Variants in PINX1 observed in about 807,000 individuals in gnomAD.
The protein encoded by PINX1 is PIN2/TERF1-interacting telomerase inhibitor 1.
A neutral mutation model predicts 25.4 loss-of-function variants in PINX1; 34 were observed. That is an observed-to-expected ratio of 1.34 (90% CI 1.02 to 1.78). PINX1 has a LOEUF of 1.78. PINX1 is among the 40% of genes most tolerant of loss of function. PINX1 has a pLI of 0.00. For synonymous variants in PINX1, 197 were observed against 147.7 expected (o/e 1.33, Z -2.42); for missense variants, 592 against 404.9 (o/e 1.46, Z -3.97).
chr8:10,765,687 CTCT>C lies in PINX1; in HGVS notation c.698_700del (p.Lys233del). The C allele has an allele frequency of 1.2e-6, 2 of 1,614,058 alleles. No homozygotes were observed. Among genetic ancestry groups the C allele is most frequent in the Non-Finnish European group, 1.7e-6 (2 of 1,179,904 alleles). ...CCTCTCGGGCTTTCCCTCCGTGTGC[CTCT>C]TGGCCTTAGGCTGGAGGTAACTTTC... On this transcript the variant is annotated inframe_deletion, in exon 7 of 7. Coordinates refer to ENST00000314787, the MANE Select transcript of PINX1 (RefSeq NM_017884.6).
chr8:10,828,111 G>C (rs549881295), intron 4 of PINX1, among the ~76,000 whole-genome samples: 3 of 151,998 alleles, frequency 2.0e-5, no homozygotes, highest in Non-Finnish European at 2.9e-5. Flanking sequence ...CAGCAGGCTC[G>C]AAAGAACGTG....
intron 6 of PINX1, among the ~76,000 whole-genome samples, chr8:10,787,139 A>G (rs1801775304): frequency 6.6e-6 from 1 of 151,920 alleles, no homozygotes; most frequent in South Asian, 2.1e-4. Context: ...AAATAGCAGA[A>G]ATGTCTATAT....
intron 6 of PINX1, among the ~76,000 whole-genome samples, chr8:10,795,488 C>T (rs1563215232): frequency 6.6e-6 from 1 of 152,206 alleles, no homozygotes; most frequent in Non-Finnish European, 1.5e-5. Context: ...GCAATCTCCG[C>T]CTCCCGGATT....
At chr8:10,776,568 C>G (rs1801404485) in intron 6 of PINX1, among the ~76,000 whole-genome samples, 1 of 152,146 alleles carries the variant, frequency 6.6e-6, no homozygotes, top group African/African-American at 2.4e-5. Flanking sequence ...GTACAGCCAA[C>G]CAATTTCTTC....
intron 4 of PINX1, among the ~76,000 whole-genome samples, chr8:10,829,072 G>A (rs1201774552): frequency 6.6e-6 from 1 of 152,164 alleles, no homozygotes; most frequent in Non-Finnish European, 1.5e-5. Flanking sequence ...TGGATCACAA[G>A]GTCAGGAGTT....
At chr8:10,834,381 C>G (rs1278874369) in intron 2 of PINX1, 1 of 354,450 alleles carries the variant, frequency 2.8e-6, no homozygotes, top group East Asian at 5.8e-5. Context: ...GAGGTATCAG[C>G]AGAGGCTCTA....
intron 6 of PINX1, among the ~76,000 whole-genome samples, chr8:10,813,646 T>A (rs1586184650): frequency 6.6e-6 from 1 of 152,196 alleles, no homozygotes; most frequent in African/African-American, 2.4e-5. Flanking sequence ...GGAAAATGAT[T>A]ATTGATTTGG....
intron 6 of PINX1, among the ~76,000 whole-genome samples, chr8:10,766,671 T>C (rs1312043326): frequency 6.6e-6 from 1 of 152,246 alleles, no homozygotes; most frequent in Non-Finnish European, 1.5e-5. Context: ...GTTTGGGCTG[T>C]TTTTAAATGT....
chr8:10,767,089 CAAG>C (rs1801075555), intron 6 of PINX1, among the ~76,000 whole-genome samples: 1 of 142,948 alleles, frequency 7.0e-6, no homozygotes, highest in Non-Finnish European at 1.6e-5. Context: ...ATTTATCTCA[CAAG>C]AAGAGGCTGG....
intron 6 of PINX1, among the ~76,000 whole-genome samples, chr8:10,766,264 A>G (rs903955596): frequency 1.3e-5 from 2 of 152,234 alleles, no homozygotes; most frequent in Admixed American, 1.3e-4. Flanking sequence ...TGTTGTGGTG[A>G]CTAAGCTCCC....
At chr8:10,825,657 C>T (rs1385490308) in intron 5 of PINX1, among the ~76,000 whole-genome samples, 5 of 152,146 alleles carry the variant, frequency 3.3e-5, no homozygotes, top group East Asian at 3.8e-4. Context: ...GGAATGCCTA[C>T]GCTGTGAAAT....
At position 10,826,235 on chromosome 8, in the gene PINX1, T is replaced by G; in HGVS notation, c.311A>C (p.Asp104Ala). The G allele has an allele frequency of 1.3e-6, 2 of 1,560,566 alleles. No individual in the cohort carries two copies. Among genetic ancestry groups the G allele is most frequent in the South Asian group, 1.2e-5 (1 of 86,708 alleles). Residue 104 changes from aspartate to alanine, a missense_variant, in exon 5 of 7, where the codon GAC becomes GCC. Asp to Ala is a moderately radical substitution (Grantham distance 126). Coordinates refer to ENST00000314787, the MANE Select transcript of PINX1 (RefSeq NM_017884.6). ...GCTAAAAGATTTCTTTTCCTTCTTG[T>G]CCGAGGAATCTTTAAAAAAGATGAA... ...CHGQETTDSS[D>A]KKEKKSFSLE...
chr8:10,834,544 G>A, intron 2 of PINX1, 122 bp downstream of exon 2: 1 of 1,373,130 alleles, frequency 7.3e-7, no homozygotes, highest in Non-Finnish European at 9.6e-7. Flanking sequence ...TTTTGATTTG[G>A]GATCAAAATC....
Position 10,771,750 on chromosome 8 carries a change from G to A in PINX1, c.472-5834C>T, listed in dbSNP as rs141963775. Among the ~76,000 whole-genome samples the A allele has an allele frequency of 6.6e-5, 10 of 152,352 alleles. No homozygotes were observed. In the East Asian group the frequency reaches 1.9e-3, roughly 29 times the overall value. ...GGCAGGTCTAATGTCCAGAAGGGGT[G>A]TGGGAGGGTAAGAAGAGAATCAGCA... On this transcript the variant is annotated intron_variant, in intron 6 of 6. Transcript: ENST00000314787.
intron 6 of PINX1, among the ~76,000 whole-genome samples, chr8:10,779,368 A>G (rs1170355951): frequency 6.6e-6 from 1 of 152,272 alleles, no homozygotes; most frequent in Non-Finnish European, 1.5e-5. Context: ...AAATTCAAAA[A>G]AGCAATTTCT....
chr8:10,784,468 A>C (rs1366116957), intron 6 of PINX1, among the ~76,000 whole-genome samples: 1 of 152,216 alleles, frequency 6.6e-6, no homozygotes. Flanking sequence ...CTGATTCCCA[A>C]AGTCTACTCA....
intron 6 of PINX1, among the ~76,000 whole-genome samples, chr8:10,792,214 T>C (rs911206249): frequency 8.5e-5 from 13 of 152,100 alleles, no homozygotes; most frequent in Admixed American, 6.5e-4. Context: ...TGGATGGGCC[T>C]GCAGCTGCAG....
intron 6 of PINX1, among the ~76,000 whole-genome samples, chr8:10,812,305 G>A (rs6993463): frequency 0.086 from 13,043 of 152,220 alleles, 789 homozygotes; most frequent in African/African-American, 0.17. Flanking sequence ...CTTTGTGGTC[G>A]AGGAAAACGT....
At chr8:10,825,479 G>A (rs763469119) in intron 5 of PINX1, 9 of 533,952 alleles carry the variant, frequency 1.7e-5, no homozygotes, top group Non-Finnish European at 2.3e-5. Context: ...GTTCTATTAG[G>A]TTAAATTGCT....
Sources: allele counts gnomAD v4.1 joint callset (sites outside exome capture counted in the v4.1 genomes callset), GRCh38; gene constraint gnomAD v4.1.1; transcripts MANE v1.5; gene names NCBI Gene and HGNC (gene_info 2026-07-23, HGNC 2026-07-21).